Variants in TRIM49 observed in about 807,000 individuals in gnomAD.
The protein encoded by TRIM49 is tripartite motif-containing protein 49.
Under a neutral mutation model 27.4 loss-of-function variants are expected in TRIM49, and 5 were observed. That is an observed-to-expected ratio of 0.18 (90% confidence interval 0.10 to 0.38). The LOEUF is 0.38. TRIM49 is among the 10% of genes least tolerant of loss of function. The pLI, the probability that TRIM49 is intolerant of heterozygous loss-of-function variation, is 1.00. For synonymous variants in TRIM49, 69 were observed against 166.0 expected (o/e 0.42, Z 4.49); for missense variants, 188 against 487.5 (o/e 0.39, Z 5.79).
At chr11:89,803,971 A>G (rs1949761600) in intron 3 of TRIM49, 88 bp downstream of exon 3, 2 of 1,611,358 alleles carry the variant, frequency 1.2e-6, no homozygotes, top group Non-Finnish European at 1.7e-6. Flanking sequence ...AGGGACTCAG[A>G]GTTGGCTTTA....
At chr11:89,789,657 A>C in the TRIM49 span, 1 of 152,272 alleles carries the variant, frequency 6.6e-6, no homozygotes, top group Admixed American at 6.5e-5. Context: ...TGCCGTTGGA[A>C]TAGCCAGGGT....
At chr11:89,770,745 A>G in the TRIM49 span, among the ~76,000 whole-genome samples, 5 of 142,978 alleles carry the variant, frequency 3.5e-5, 1 homozygote, top group East Asian at 1.1e-3. Context: ...GAGCGCCTGT[A>G]GTCCCAGCTA....
At chr11:89,800,600 G>A (rs1454787113) in intron 6 of TRIM49, among the ~76,000 whole-genome samples, 4 of 150,420 alleles carry the variant, frequency 2.7e-5, no homozygotes, top group Middle Eastern at 6.8e-3. Context: ...AAAATTAGCC[G>A]GGTGTGGTGG....
chr11:89,770,650 G>C, the TRIM49 span, among the ~76,000 whole-genome samples: 3 of 141,326 alleles, frequency 2.1e-5, no homozygotes, highest in African/African-American at 8.9e-5. Context: ...ACGACGTCAG[G>C]AGATTGAGAC....
the TRIM49 span, chr11:89,786,148 G>C: frequency 2.0e-5 from 1 of 49,896 alleles, no homozygotes; most frequent in Admixed American, 1.8e-4. Context: ...GGAGGAGCAC[G>C]GCGTCGAGGG....
chr11:89,805,289 A>G (rs201105647), intron 2 of TRIM49, among the ~76,000 whole-genome samples: 11,867 of 148,554 alleles, frequency 0.08, 6 homozygotes, highest in Admixed American at 0.21. Flanking sequence ...GTGATGGTGA[A>G]TTTTAGGTAT....
the TRIM49 span, among the ~76,000 whole-genome samples, chr11:89,783,592 TAGAATA>T: frequency 1.5e-5 from 2 of 130,340 alleles, no homozygotes; most frequent in African/African-American, 6.5e-5. Flanking sequence ...GAGCAGGACT[TAGAATA>T]GTGGAGACTG....
the TRIM49 span, among the ~76,000 whole-genome samples, chr11:89,792,600 C>T: frequency 6.6e-6 from 1 of 152,134 alleles, no homozygotes; most frequent in African/African-American, 2.4e-5. Context: ...TCACTCAAAA[C>T]CGCTCAACTA....
At chr11:89,776,267 C>CT in the TRIM49 span, among the ~76,000 whole-genome samples, 2 of 121,678 alleles carry the variant, frequency 1.6e-5, no homozygotes, top group Non-Finnish European at 3.4e-5. Flanking sequence ...TGAACATGTA[C>CT]TTTTTTTTGA....
the TRIM49 span, among the ~76,000 whole-genome samples, chr11:89,785,231 A>C: frequency 6.3e-5 from 1 of 15,904 alleles, no homozygotes; most frequent in Non-Finnish European, 1.4e-4. Context: ...TCAGTGAATA[A>C]ATAAATAAAT....
intron 2 of TRIM49, among the ~76,000 whole-genome samples, 179 bp from the exon 3 acceptor site, chr11:89,804,652 T>C (rs1949773986): frequency 6.6e-6 from 1 of 151,634 alleles, no homozygotes; most frequent in Non-Finnish European, 1.5e-5. Context: ...CCTGGCTTTC[T>C]AACAGATATT....
chr11:89,803,545 A>AG, intron 4 of TRIM49, 153 bp downstream of exon 4: 2 of 1,449,412 alleles, frequency 1.4e-6, no homozygotes, highest in Middle Eastern at 4.9e-4. Flanking sequence ...ATTCTATATA[A>AG]AAATGAGGCC....
chr11:89,799,902 C>T, intron 6 of TRIM49, 89 bp from the exon 7 acceptor site: 1 of 1,545,992 alleles, frequency 6.5e-7, no homozygotes, highest in Non-Finnish European at 8.8e-7. Flanking sequence ...TCAAGAGAAT[C>T]CTTTGAATCT....
chr11:89,797,345 G>A (rs1292459022), downstream of TRIM49, among the ~76,000 whole-genome samples: 1 of 151,626 alleles, frequency 6.6e-6, no homozygotes, highest in Admixed American at 6.6e-5. Context: ...TTGAAACACA[G>A]AAGTCATCAT....
chr11:89,769,500 G>T, the TRIM49 span, among the ~76,000 whole-genome samples: 4 of 136,208 alleles, frequency 2.9e-5, no homozygotes, highest in African/African-American at 1.4e-4. Context: ...CCATGCTACA[G>T]ATTCTGGAGA....
rs541077406 is a variant in TRIM49 at position 89,802,454 on chromosome 11, G to A, written c.508-522C>T. Among the ~76,000 whole-genome samples the A allele has an allele frequency of 2.7e-5, 4 of 150,652 alleles. No individual in the cohort carries two copies. In the South Asian group the frequency reaches 8.4e-4, roughly 32 times the overall value. ...TCATTTCCTTCTATTCTTTTTCTAAGTCATCCCAGTCTGAAACATAGACTT... is the reference window on the plus strand; with the variant it reads ...TCATTTCCTTCTATTCTTTTTCTAAATCATCCCAGTCTGAAACATAGACTT... On this transcript the variant is annotated intron_variant, in intron 4 of 7. Transcript: ENST00000329758.
the TRIM49 span, among the ~76,000 whole-genome samples, chr11:89,784,020 C>T: frequency 7.2e-6 from 1 of 138,984 alleles, no homozygotes; most frequent in East Asian, 2.2e-4. Context: ...TTTCACAATG[C>T]ATTTATTCCC....
the TRIM49 span, among the ~76,000 whole-genome samples, chr11:89,772,955 A>C: frequency 1.5e-5 from 2 of 135,388 alleles, no homozygotes; most frequent in Non-Finnish European, 3.0e-5. Flanking sequence ...GAAGTCTAAA[A>C]TGATAATAGC....
At chr11:89,769,388 A>T in the TRIM49 span, among the ~76,000 whole-genome samples, 1 of 136,736 alleles carries the variant, frequency 7.3e-6, no homozygotes, top group Non-Finnish European at 1.5e-5. Flanking sequence ...GAATGCATTT[A>T]TTCTACCGTT....
Sources: gnomAD v4.1 joint callset for allele counts (sites outside exome capture counted in the v4.1 genomes callset) on GRCh38, gnomAD v4.1.1 for gene constraint, MANE v1.5 for transcripts, NCBI Gene and HGNC (gene_info 2026-07-23, HGNC 2026-07-21) for gene names.